The following ZNF211 variants were observed in gnomAD, a reference collection of about 807,000 sequenced individuals.
ZNF211 encodes zinc finger protein C2H2-25.
A neutral mutation model predicts 12.1 loss-of-function variants in ZNF211; 18 were observed. The ratio of observed to expected loss-of-function variants is 1.48; its 90% CI spans 1.03 to 2.20. The LOEUF is 2.20. Ranked by LOEUF, ZNF211 falls within the 30% of genes most tolerant of loss-of-function variation. The probability of loss-of-function intolerance (pLI) is 0.00; values close to 1 mark genes in which losing one functional copy is unlikely to be tolerated. For synonymous variants in ZNF211, 249 were observed against 246.0 expected (o/e 1.01, Z -0.11); for missense variants, 677 against 703.1 (o/e 0.96, Z 0.42).
At chr19:57,638,679 T>A (rs1163155808) in intron 3 of ZNF211, among the ~76,000 whole-genome samples, 1 of 152,256 alleles carries the variant, frequency 6.6e-6, no homozygotes, top group Non-Finnish European at 1.5e-5. Context: ...GAGGGGAATG[T>A]ACATTCTGTT....
chr19:57,634,477 A>C, intron 2 of ZNF211, 152 bp from the exon 3 acceptor site: 1 of 893,134 alleles, frequency 1.1e-6, no homozygotes, highest in Non-Finnish European at 1.6e-6. Context: ...ACAGTGACTA[A>C]TGGGAATGTG....
At position 57,640,525 on chromosome 19, in the gene ZNF211, C is replaced by A. The variant is rs574673989; in HGVS notation, c.257-179C>A. ...GTACCTGGGAGGGCCTACCCTATTC[C>A]GTAACCTTAGGGACAAGTAATGCAC... On this transcript the variant is annotated intron_variant, in intron 3 of 3. Transcript: ENST00000240731. Among the ~76,000 whole-genome samples, 5 of 152,222 alleles carry A rather than the reference C, an allele frequency of 3.3e-5. No individual in the cohort carries two copies. The South Asian group carries it at 1.0e-3, about 32-fold the overall frequency.
chr19:57,634,568 A>G (rs1981895551), intron 2 of ZNF211, 61 bp from the exon 3 acceptor site: 4 of 1,470,314 alleles, frequency 2.7e-6, no homozygotes, highest in African/African-American at 1.4e-5. Flanking sequence ...GTATGGGGAC[A>G]TGGATTTTGA....
In ZNF211 at chr19:57,642,400, G is replaced by T; in HGVS notation, c.*219G>T. Reference sequence around the variant, plus strand: ...TATGGCTCTTGCCGTTTATGTCACTGACAGTTTCTGAGGCAGAAGCCGTAT... The same window carrying T: ...TATGGCTCTTGCCGTTTATGTCACTTACAGTTTCTGAGGCAGAAGCCGTAT... On this transcript the variant is annotated 3_prime_UTR_variant, in exon 4 of 4. Transcript: ENST00000240731. 1 of 538,678 alleles carries T rather than the reference G, an allele frequency of 1.9e-6. No homozygotes were observed. Among genetic ancestry groups the T allele is most frequent in the Non-Finnish European group, 3.2e-6 (1 of 310,776 alleles). The allele number at this position is 538,678 out of a possible 1,614,324, so 33.4% of individuals were successfully genotyped here.
intron 3 of ZNF211, among the ~76,000 whole-genome samples, chr19:57,636,140 A>T (rs1982103999): frequency 6.6e-6 from 1 of 152,100 alleles, no homozygotes; most frequent in African/African-American, 2.4e-5. Context: ...TGTGTTCTAG[A>T]TATTCCCTTA....
chr19:57,639,488 C>T (rs1384123552), intron 3 of ZNF211, among the ~76,000 whole-genome samples: 11 of 134,382 alleles, frequency 8.2e-5, no homozygotes, highest in Admixed American at 3.3e-4. Context: ...GGGGCGATCT[C>T]GGCTCACTGC....
chr19:57,633,336 TG>T lies in ZNF211; in HGVS notation c.-7del. 1.3e-6 allele frequency: 2 copies of T among 1,575,996 alleles called. No individual in the cohort carries two copies. The highest frequency in any genetic ancestry group is 1.7e-6 in the Non-Finnish European group (2 of 1,164,586). On this transcript the variant is annotated 5_prime_UTR_variant, in exon 1 of 4. Transcript: ENST00000240731. The stretch of plus-strand genomic sequence containing the variant: ...GGCAGAGCCGCCCGCGAGGCCGGCC[TG>T]GGGATAGCGATGCTCGGGTTCCCCC...
At position 57,642,291 on chromosome 19, in the gene ZNF211, G is replaced by A. The variant is rs1444383686; in HGVS notation, c.*110G>A. The A allele has an allele frequency of 4.1e-6, 5 of 1,233,820 alleles. No homozygotes were observed. Among genetic ancestry groups the A allele is most frequent in the Non-Finnish European group, 3.3e-6 (3 of 899,744 alleles). The allele number at this position is 1,233,820 out of a possible 1,614,324, so 76.4% of individuals were successfully genotyped here. On this transcript the variant is annotated 3_prime_UTR_variant, in exon 4 of 4. Coordinates refer to ENST00000240731, the MANE Select transcript of ZNF211 (RefSeq NM_006385.5). ...GCCCCAACATCTAAGGATATACAGT[G>A]GGCGGATTCCCCTTAAGTTCCAGGT...
In ZNF211 at chr19:57,642,273, CA is replaced by C; in HGVS notation, c.*93del. 1 of 1,381,792 alleles carries C rather than the reference CA, an allele frequency of 7.2e-7. No individual in the cohort carries two copies. The highest frequency in any genetic ancestry group is 9.8e-7 in the Non-Finnish European group (1 of 1,022,754). The allele number at this position is 1,381,792 out of a possible 1,614,324, so 85.6% of individuals were successfully genotyped here. A position where few individuals can be genotyped will look rare whatever the true frequency, so the allele number is the denominator to read the frequency against. On this transcript the variant is annotated 3_prime_UTR_variant, in exon 4 of 4. Transcript: ENST00000240731. ...CAAGTACCTGATTTGGAAGCCCCAA[CA>C]TCTAAGGATATACAGTGGGCGGATT...
At chr19:57,640,074 G>T in intron 3 of ZNF211, 2 of 1,534,266 alleles carry the variant, frequency 1.3e-6, no homozygotes, top group Non-Finnish European at 1.7e-6. Flanking sequence ...TCAGGTCTGT[G>T]TTTAAATTGC....
At chr19:57,633,560 T>A in intron 1 of ZNF211, 124 bp downstream of exon 1, 1 of 1,499,988 alleles carries the variant, frequency 6.7e-7, no homozygotes, top group Admixed American at 2.2e-5. Flanking sequence ...GGCCCCTATT[T>A]CTGACATCCG....
intron 3 of ZNF211, among the ~76,000 whole-genome samples, chr19:57,638,705 G>C (rs755190011): frequency 1.3e-4 from 20 of 152,134 alleles, no homozygotes; most frequent in Admixed American, 5.2e-4. Context: ...TGGGTAGAAT[G>C]CTCTTTATAT....
Position 57,633,292 on chromosome 19 carries a change from G to T in ZNF211, c.-55G>T. The T allele has an allele frequency of 6.9e-7, 1 of 1,455,900 alleles. No homozygotes were observed. 90.2% of individuals were successfully genotyped at this position (1,455,900 alleles called of 1,614,324 possible). A position where few individuals can be genotyped will look rare whatever the true frequency, so the allele number is the denominator to read the frequency against. ...AGTGACGGACCGTGAAGGCGCGAGA[G>T]TCAGGTCTGAGGGTCGGGGGCAGAG... is the stretch of plus-strand genomic sequence containing the variant. On this transcript the variant is annotated 5_prime_UTR_variant, in exon 1 of 4. Coordinates refer to ENST00000240731, the MANE Select transcript of ZNF211 (RefSeq NM_006385.5).
Position 57,633,214 on chromosome 19 carries a change from C to T in ZNF211, c.-133C>T, listed in dbSNP as rs966603236. 1.3e-5 allele frequency: 12 copies of T among 914,408 alleles called. No individual in the cohort carries two copies. The highest frequency in any genetic ancestry group is 8.7e-5 in the African/African-American group (5 of 57,350). The allele number at this position is 914,408 out of a possible 1,614,324, so 56.6% of individuals were successfully genotyped here. On this transcript the variant is annotated 5_prime_UTR_variant, in exon 1 of 4. Coordinates refer to ENST00000240731, the MANE Select transcript of ZNF211 (RefSeq NM_006385.5). ...TCGCAGCGGTCATTTTGGCTGCCCT[C>T]CCGGAGGTCCGTTCTGTCTGTCAGC... is the stretch of plus-strand genomic sequence containing the variant.
In ZNF211 at chr19:57,641,211, A is replaced by G. The variant is rs1161957858; in HGVS notation, c.764A>G (p.Asp255Gly). The G allele has an allele frequency of 6.2e-7, 1 of 1,614,214 alleles. No individual in the cohort carries two copies. Among genetic ancestry groups the G allele is most frequent in the Admixed American group, 1.7e-5 (1 of 60,032 alleles). Residue 255 changes from aspartate (D) to glycine (G), a missense_variant, in exon 4 of 4, where the codon GAC becomes GGC. Physicochemically the swap from Asp to Gly is moderately conservative, Grantham distance 94. Transcript: ENST00000240731. ...GKCSKAFSHI[D>G]TLVQDQRILT... ...TGCAGTAAAGCCTTTAGCCACATAG[A>G]CACACTTGTTCAGGACCAGAGAATC...
rs988225962 is a variant in ZNF211, at chr19:57,643,069, A to G, written c.*888A>G. 1.3e-5 allele frequency among the ~76,000 whole-genome samples: 2 copies of G among 152,094 alleles called. No homozygotes were observed. Among genetic ancestry groups the G allele is most frequent in the African/African-American group, 4.8e-5 (2 of 41,426 alleles). ...GAAGTGGGAAATTGTGACAAATTCC[A>G]TTGCTTCTGGGAACAAGATGAATTT... On this transcript the variant is annotated 3_prime_UTR_variant, in exon 4 of 4. Transcript: ENST00000240731.
At position 57,633,320 on chromosome 19, in the gene ZNF211, G is replaced by A. The variant is rs376127475; in HGVS notation, c.-27G>A. On this transcript the variant is annotated 5_prime_UTR_variant, in exon 1 of 4. Transcript: ENST00000240731. ...AGGTCTGAGGGTCGGGGGCAGAGCC[G>A]CCCGCGAGGCCGGCCTGGGGATAGC... is the stretch of plus-strand genomic sequence containing the variant. 24 of 1,544,158 alleles carry A rather than the reference G, an allele frequency of 1.6e-5. No individual in the cohort carries two copies. Among genetic ancestry groups the A allele is most frequent in the African/African-American group, 1.1e-4 (8 of 73,650 alleles).
At chr19:57,639,184 C>T (rs1982527655) in intron 3 of ZNF211, among the ~76,000 whole-genome samples, 1 of 151,752 alleles carries the variant, frequency 6.6e-6, no homozygotes, top group South Asian at 2.1e-4. Flanking sequence ...TGTCTTTTGG[C>T]AGAGTTTAAG....
At chr19:57,633,500 A>C in intron 1 of ZNF211, 64 bp downstream of exon 1, 1 of 1,523,454 alleles carries the variant, frequency 6.6e-7, no homozygotes, top group Non-Finnish European at 8.8e-7. Flanking sequence ...GAGAGGCACC[A>C]GCTCACGTCT....
Sources: gnomAD v4.1 joint callset for allele counts (sites outside exome capture counted in the v4.1 genomes callset) on GRCh38, gnomAD v4.1.1 for gene constraint, MANE v1.5 for transcripts, NCBI Gene and HGNC (gene_info 2026-07-23, HGNC 2026-07-21) for gene names.